The following CADPS variants were observed in gnomAD, a reference collection of about 807,000 sequenced individuals.
CADPS encodes the protein calcium-dependent secretion activator 1.
In CADPS, 57 loss-of-function variants were observed where a neutral mutation model predicts 167.3. The ratio of observed to expected loss-of-function variants is 0.34; its 90% CI spans 0.28 to 0.42. The LOEUF is 0.42. Ranked by LOEUF, CADPS falls within the 20% of genes least tolerant of loss-of-function variation. The pLI is 1.00. For synonymous variants in CADPS, 676 were observed against 635.3 expected (o/e 1.06, Z -0.96); for missense variants, 1,414 against 1,738.1 (o/e 0.81, Z 3.32).
chr3:62,484,363 C>G (rs749991717), intron 21 of CADPS, among the ~76,000 whole-genome samples: 1 of 152,066 alleles, frequency 6.6e-6, no homozygotes, highest in Non-Finnish European at 1.5e-5. Context: ...TTTTAAGTAG[C>G]ACTTAGTTCC....
chr3:62,557,067 G>A (rs1456063352), intron 10 of CADPS, among the ~76,000 whole-genome samples: 1 of 150,610 alleles, frequency 6.6e-6, no homozygotes, highest in African/African-American at 2.5e-5. Context: ...GTGTACATGT[G>A]GGACTACTTC....
chr3:62,499,282 G>A lies in CADPS; in HGVS notation c.2600-14C>T, dbSNP rs1439812914. 3.8e-6 allele frequency: 6 copies of A among 1,571,100 alleles called. No homozygotes were observed. The highest frequency in any genetic ancestry group is 5.3e-6 in the Non-Finnish European group (6 of 1,141,122). ...GGCCTACATTTTCTGTAGTACAAGA[G>A]TTTGTGTTAAAATTCAGCGAAAGTG... On this transcript the variant is annotated splice_polypyrimidine_tract_variant and intron_variant, in intron 17 of 29. Coordinates refer to ENST00000383710, the MANE Select transcript of CADPS (RefSeq NM_003716.4).
intron 3 of CADPS, among the ~76,000 whole-genome samples, chr3:62,694,353 G>T (rs2079860463): frequency 6.6e-6 from 1 of 152,040 alleles, no homozygotes; most frequent in Non-Finnish European, 1.5e-5. Context: ...TTATTTAAGG[G>T]TGTCCTAACT....
intron 2 of CADPS, among the ~76,000 whole-genome samples, chr3:62,755,132 G>A (rs2083558105): frequency 6.6e-6 from 1 of 152,100 alleles, no homozygotes; most frequent in Non-Finnish European, 1.5e-5. Context: ...CTTCCTTTTG[G>A]TAGCTCAAAT....
intron 3 of CADPS, among the ~76,000 whole-genome samples, chr3:62,721,279 G>A: frequency 6.6e-6 from 1 of 152,014 alleles, no homozygotes; most frequent in Non-Finnish European, 1.5e-5. Context: ...ATTTTTGTTG[G>A]TGAGAAAACC....
At chr3:62,673,810 A>C (rs1400790833) in intron 3 of CADPS, among the ~76,000 whole-genome samples, 1 of 152,210 alleles carries the variant, frequency 6.6e-6, no homozygotes, top group Non-Finnish European at 1.5e-5. Context: ...AGATTTTGAC[A>C]TAAACATTAT....
intron 6 of CADPS, among the ~76,000 whole-genome samples, chr3:62,642,622 G>A (rs1186911750): frequency 6.6e-6 from 1 of 152,198 alleles, no homozygotes; most frequent in Non-Finnish European, 1.5e-5. Flanking sequence ...TAAAACTGGA[G>A]GCAAGCCAGG....
At chr3:62,680,387 A>G (rs2151014566) in intron 3 of CADPS, among the ~76,000 whole-genome samples, 1 of 152,194 alleles carries the variant, frequency 6.6e-6, no homozygotes, top group Non-Finnish European at 1.5e-5. Context: ...GCTGTCCTCA[A>G]GCAGAATTAT....
intron 12 of CADPS, among the ~76,000 whole-genome samples, chr3:62,533,773 T>C (rs1322341803): frequency 1.3e-5 from 2 of 152,124 alleles, no homozygotes; most frequent in Non-Finnish European, 2.9e-5. Flanking sequence ...ATGAAGGTAA[T>C]AACGCAACTC....
chr3:62,750,323 C>G (rs754409569), intron 3 of CADPS, among the ~76,000 whole-genome samples: 2 of 119,870 alleles, frequency 1.7e-5, no homozygotes, highest in Non-Finnish European at 3.2e-5. Context: ...TGCACTCTAC[C>G]CTGAGTGACA....
chr3:62,573,430 C>A (rs2081662270), intron 8 of CADPS, among the ~76,000 whole-genome samples: 1 of 152,144 alleles, frequency 6.6e-6, no homozygotes, highest in Non-Finnish European at 1.5e-5. Flanking sequence ...ATCATTAAAA[C>A]CATCTTGTGC....
intron 13 of CADPS, among the ~76,000 whole-genome samples, chr3:62,519,787 A>G (rs1050455264): frequency 4.0e-5 from 6 of 149,342 alleles, no homozygotes; most frequent in Non-Finnish European, 8.8e-5. Context: ...GCTTAACAAA[A>G]ACAAATTTTT....
intron 6 of CADPS, among the ~76,000 whole-genome samples, chr3:62,621,763 C>T (rs914341922): frequency 2.0e-5 from 3 of 151,990 alleles, no homozygotes; most frequent in African/African-American, 7.3e-5. Flanking sequence ...CCGATAGGCC[C>T]CAGTGTGCGT....
chr3:62,853,661 A>G (rs1365980450), intron 1 of CADPS, among the ~76,000 whole-genome samples: 2 of 151,130 alleles, frequency 1.3e-5, no homozygotes, highest in East Asian at 3.9e-4. Context: ...AAAAGAAAGC[A>G]TCTAAAACAT....
chr3:62,873,216 G>C (rs911288939), intron 1 of CADPS, among the ~76,000 whole-genome samples: 3 of 152,234 alleles, frequency 2.0e-5, no homozygotes, highest in Non-Finnish European at 2.9e-5. Context: ...AGTGCTGGGT[G>C]GTGTGTGTAC....
chr3:62,817,489 T>C (rs1481160255), intron 1 of CADPS, among the ~76,000 whole-genome samples: 2 of 152,198 alleles, frequency 1.3e-5, no homozygotes, highest in Non-Finnish European at 2.9e-5. Context: ...CTGCACAGTT[T>C]GGATGTTTAA....
chr3:62,466,243 C>G (rs1460318902), intron 25 of CADPS, 96 bp downstream of exon 25: 3 of 792,446 alleles, frequency 3.8e-6, no homozygotes, highest in South Asian at 1.7e-5. Context: ...ACACAAGTAT[C>G]CAGCTCAACT....
intron 3 of CADPS, among the ~76,000 whole-genome samples, chr3:62,703,198 G>C (rs1251339238): frequency 2.0e-5 from 3 of 152,150 alleles, no homozygotes; most frequent in Non-Finnish European, 2.9e-5. Context: ...AAATTCATGT[G>C]TGTACGCCCT....
intron 3 of CADPS, among the ~76,000 whole-genome samples, chr3:62,749,182 G>A (rs919686231): frequency 1.3e-5 from 2 of 152,202 alleles, no homozygotes; most frequent in African/African-American, 2.4e-5. Context: ...CAGAATAGAT[G>A]TTAAGAAACT....
Sources: gnomAD v4.1 joint callset for allele counts (sites outside exome capture counted in the v4.1 genomes callset) on GRCh38, gnomAD v4.1.1 for gene constraint, MANE v1.5 for transcripts, NCBI Gene and HGNC (gene_info 2026-07-23, HGNC 2026-07-21) for gene names.